GPR65: variants seen among roughly 807,000 people sequenced by gnomAD.
GPR65 encodes T-cell death-associated gene 8 protein.
GPR65 carries 2 observed loss-of-function variants against 0.7 expected under a neutral mutation model. That is an observed-to-expected ratio of 2.83 (90% CI 1.16 to 8.92). The LOEUF (loss-of-function observed/expected upper bound fraction) is 8.92, where lower values mean the gene tolerates loss of function less well. Among genes scored for constraint, GPR65 ranks in the 30% most tolerant of loss-of-function variants. GPR65 has a pLI of 0.04. For synonymous variants in GPR65, 128 were observed against 146.5 expected (o/e 0.87, Z 0.91); for missense variants, 379 against 399.4 (o/e 0.95, Z 0.43).
Position 88,011,680 on chromosome 14 carries a change from T to A in GPR65, c.833T>A (p.Leu278Ter). The A allele has an allele frequency of 6.2e-7, 1 of 1,613,822 alleles. No individual in the cohort carries two copies. The highest frequency in any genetic ancestry group is 8.5e-7 in the Non-Finnish European group (1 of 1,179,722). ...ACAATGTATAGAATCACGGTTGCATTAACAAGTTTAAATTGTGTTGCTGAT... is the reference window on the plus strand; with the variant it reads ...ACAATGTATAGAATCACGGTTGCATAAACAAGTTTAAATTGTGTTGCTGAT... ...TYTMYRITVA[L>*]TSLNCVADPI... The change falls in exon 2 of 2, where the codon TTA becomes TAA. Residue 278 changes from leucine (L) to a stop codon, truncating the protein, a stop_gained. Transcript: ENST00000267549. LOFTEE classifies it high-confidence loss of function.
chr14:88,011,226 A>G lies in GPR65; in HGVS notation c.379A>G (p.Thr127Ala). The G allele has an allele frequency of 6.2e-7, 1 of 1,613,870 alleles. No homozygotes were observed. Among genetic ancestry groups the G allele is most frequent in the Non-Finnish European group, 8.5e-7 (1 of 1,179,942 alleles). ...VYPLKFFFLR[T>A]RRFALMVSLS... ...CCCTTTGAAGTTTTTTTTCCTAAGG[A>G]CAAGAAGATTTGCACTCATGGTCAG... Residue 127 changes from threonine to alanine, a missense_variant, in exon 2 of 2, where the codon ACA becomes GCA. Thr to Ala is a moderately conservative substitution (Grantham distance 58). Transcript: ENST00000267549.
Position 88,011,336 on chromosome 14 carries a change from A to T in GPR65, c.489A>T (p.Glu163Asp). ...CAGTTGTTGAATATTGCGATGCCGA[A>T]AAGTCTAATTTTACTTTATGCTATG... ...DETVVEYCDAEKSNFTLCYDK... is the reference protein window; with the variant it reads ...DETVVEYCDADKSNFTLCYDK... Residue 163 changes from glutamate (E) to aspartate (D), a missense_variant, in exon 2 of 2, where the codon GAA becomes GAT. Glu to Asp is a conservative substitution (Grantham distance 45, BLOSUM62 2). Transcript: ENST00000267549. 6.2e-7 allele frequency: 1 copy of T among 1,614,110 alleles called. No individual in the cohort carries two copies. The highest frequency in any genetic ancestry group is 8.5e-7 in the Non-Finnish European group (1 of 1,179,998).
intron 1 of GPR65, among the ~76,000 whole-genome samples, chr14:88,008,820 A>AT (rs1466383028): frequency 6.6e-6 from 1 of 152,054 alleles, no homozygotes; most frequent in Non-Finnish European, 1.5e-5. Flanking sequence ...GTGGTATATC[A>AT]TTTTAATTTT....
In GPR65 at chr14:88,012,821, A is replaced by G. The variant is rs550661553; in HGVS notation, c.*960A>G. 2.6e-5 allele frequency: 4 copies of G among 152,322 alleles called. No individual in the cohort carries two copies. The East Asian group carries it at 5.8e-4, about 22-fold the overall frequency. 9.4% of individuals were successfully genotyped at this position (152,322 alleles called of 1,614,324 possible). ...CTGGGGCTATGAAAGAAATGGTCTC[A>G]TGAAGCCTCACGAAGTTTACATTAG... On this transcript the variant is annotated 3_prime_UTR_variant, in exon 2 of 2. Transcript: ENST00000267549.
Position 88,010,860 on chromosome 14 carries a change from T to C in GPR65, c.13T>C (p.Cys5Arg), listed in dbSNP as rs762974956. ...TAAAAAGGAAAAAATGAACAGCACA[T>C]GTATTGAAGAACAGCATGACCTGGA... MNST[C>R]IEEQHDLDHY... The change falls in exon 2 of 2, where the codon TGT becomes CGT. Residue 5 changes from cysteine to arginine, a missense_variant. Coordinates refer to ENST00000267549, the MANE Select transcript of GPR65 (RefSeq NM_003608.4). 11 of 1,610,632 alleles carry C rather than the reference T, an allele frequency of 6.8e-6. No individual in the cohort carries two copies. The African/African-American group carries it at 1.1e-4, about 16-fold the overall frequency.
rs745864186 is a variant in GPR65, at chr14:88,011,807, A to C, written c.960A>C (p.Lys320Asn). ...GTAATACATCACAAAGACAAAGAAA[A>C]CGCATACTTTCTGTGTCTACAAAAG... ...GRCNTSQRQR[K>N]RILSVSTKDT... Residue 320 changes from lysine (K) to asparagine (N), a missense_variant, in exon 2 of 2, where the codon AAA (lysine) becomes AAC (asparagine). Physicochemically the swap from Lys to Asn is moderately conservative, Grantham distance 94. Transcript: ENST00000267549. The C allele has an allele frequency of 6.2e-7, 1 of 1,600,084 alleles. No individual in the cohort carries two copies. The highest frequency in any genetic ancestry group is 1.1e-5 in the South Asian group (1 of 89,766).
rs772662213 is a variant in GPR65, at chr14:88,011,413, G to T, written c.566G>T (p.Cys189Phe). 1.9e-6 allele frequency: 3 copies of T among 1,613,966 alleles called. No individual in the cohort carries two copies. The highest frequency in any genetic ancestry group is 2.5e-6 in the Non-Finnish European group (3 of 1,179,886). The change falls in exon 2 of 2, where the codon TGT becomes TTT. Residue 189 changes from cysteine (C) to phenylalanine (F), a missense_variant. By Grantham distance (205) the Cys-to-Phe change is radical. Coordinates refer to ENST00000267549, the MANE Select transcript of GPR65 (RefSeq NM_003608.4). ...ATCAACCTCAACTTGTTCAGGACGT[G>T]TACAGGCTATGCAATACCTTTGGTC... is the stretch of plus-strand genomic sequence containing the variant. ...WQINLNLFRT[C>F]TGYAIPLVTI... is the part of the protein sequence containing the mutation.
Position 88,010,387 on chromosome 14 carries a change from A to T in GPR65, c.-459-2A>T, listed in dbSNP as rs1177661488. ...ACAATTTTAATTCATCTTTCATTAC[A>T]GAAGGAAAGGAATTTTAAAAGGAAA... is the stretch of plus-strand genomic sequence containing the variant. On this transcript the variant is annotated splice_acceptor_variant, in intron 1 of 1. Transcript: ENST00000267549. LOFTEE classifies it low-confidence loss of function (5UTR_SPLICE). 6.4e-6 allele frequency: 1 copy of T among 155,746 alleles called. No homozygotes were observed. Among genetic ancestry groups the T allele is most frequent in the Admixed American group, 6.3e-5 (1 of 15,910 alleles). 9.6% of individuals were successfully genotyped at this position (155,746 alleles called of 1,614,324 possible).
At chr14:88,007,424 T>C (rs1299187233) in intron 1 of GPR65, among the ~76,000 whole-genome samples, 1 of 152,078 alleles carries the variant, frequency 6.6e-6, no homozygotes, top group Admixed American at 6.6e-5. Flanking sequence ...TATTTTCCCA[T>C]GTCCTTAACA....
At chr14:88,008,329 C>T (rs1326120939) in intron 1 of GPR65, among the ~76,000 whole-genome samples, 1 of 152,172 alleles carries the variant, frequency 6.6e-6, no homozygotes, top group Admixed American at 6.5e-5. Context: ...CAGTACTCAG[C>T]CTTTCCCCAG....
rs1887715272 is a variant in GPR65, at chr14:88,013,201, C to G, written c.*1340C>G. ...AGCTGGGATTACAGGCACCCACCAC[C>G]ATGCCCAGCTAATTTTTGTATTTTT... On this transcript the variant is annotated 3_prime_UTR_variant, in exon 2 of 2. Transcript: ENST00000267549. 6.6e-6 allele frequency: 1 copy of G among 152,086 alleles called. No individual in the cohort carries two copies. The highest frequency in any genetic ancestry group is 6.6e-5 in the Admixed American group (1 of 15,254). The allele number at this position is 152,086 out of a possible 1,614,324, so 9.4% of individuals were successfully genotyped here.
chr14:88,007,804 G>A (rs1208175319), intron 1 of GPR65, among the ~76,000 whole-genome samples: 1 of 151,014 alleles, frequency 6.6e-6, no homozygotes, highest in Non-Finnish European at 1.5e-5. Context: ...GTGTGTGTGT[G>A]TGTGTGTGTG....
Position 88,011,342 on chromosome 14 carries a change from T to G in GPR65, c.495T>G (p.Ser165=). 6.2e-7 allele frequency: 1 copy of G among 1,614,098 alleles called. No homozygotes were observed. ...TTGAATATTGCGATGCCGAAAAGTC[T>G]AATTTTACTTTATGCTATGACAAAT... The part of the protein sequence containing the change: ...TVVEYCDAEK[S]NFTLCYDKYP... The change falls in exon 2 of 2, where the codon TCT becomes TCG. Residue 165 remains serine (S), a synonymous_variant. Transcript: ENST00000267549.
Position 88,011,530 on chromosome 14 carries a change from T to C in GPR65, c.683T>C (p.Leu228Pro). ...NKEKKRIIKL[L>P]VSITVTFVLC... ...GAAAAGAAGAGAATCATAAAACTAC[T>C]TGTCAGCATCACAGTTACTTTTGTC... is the stretch of plus-strand genomic sequence containing the variant. Residue 228 changes from leucine (L) to proline (P), a missense_variant, in exon 2 of 2, where the codon CTT becomes CCT. Physicochemically the swap from Leu to Pro is moderately conservative, Grantham distance 98. Transcript: ENST00000267549. 1.9e-6 allele frequency: 3 copies of C among 1,613,854 alleles called. No individual in the cohort carries two copies. Among genetic ancestry groups the C allele is most frequent in the South Asian group, 1.1e-5 (1 of 91,082 alleles).
chr14:88,006,795 G>C (rs1282874725), intron 1 of GPR65, among the ~76,000 whole-genome samples: 1 of 152,088 alleles, frequency 6.6e-6, no homozygotes, highest in Non-Finnish European at 1.5e-5. Context: ...GTGTGCATCA[G>C]AGTCCCATCC....
chr14:88,011,698 T>G lies in GPR65; in HGVS notation c.851T>G (p.Val284Gly). 2 of 1,613,908 alleles carry G rather than the reference T, an allele frequency of 1.2e-6. No homozygotes were observed. The highest frequency in any genetic ancestry group is 1.7e-6 in the Non-Finnish European group (2 of 1,179,858). The change falls in exon 2 of 2, where the codon GTT becomes GGT. Residue 284 changes from valine to glycine, a missense_variant. Val to Gly is a moderately radical substitution (Grantham distance 109). Transcript: ENST00000267549. Reference protein sequence around the residue: ...ITVALTSLNCVADPILYCFVT... With the variant: ...ITVALTSLNCGADPILYCFVT... ...GTTGCATTAACAAGTTTAAATTGTG[T>G]TGCTGATCCAATTCTGTACTGTTTT...
intron 1 of GPR65, among the ~76,000 whole-genome samples, chr14:88,009,006 G>A (rs960761186): frequency 6.6e-6 from 1 of 152,086 alleles, no homozygotes; most frequent in Non-Finnish European, 1.5e-5. Flanking sequence ...GCAGAGGCAG[G>A]GAAATTGCCA....
chr14:88,011,265 A>T lies in GPR65; in HGVS notation c.418A>T (p.Ile140Leu), dbSNP rs771285188. 41 of 1,613,766 alleles carry T rather than the reference A, an allele frequency of 2.5e-5. No homozygotes were observed. The highest frequency in any genetic ancestry group is 3.4e-5 in the Non-Finnish European group (40 of 1,179,906). The stretch of plus-strand genomic sequence containing the variant: ...ACTCATGGTCAGCCTGTCCATCTGG[A>T]TATTGGAAACCATCTTCAATGCTGT... ...FALMVSLSIW[I>L]LETIFNAVML... The change falls in exon 2 of 2, where the codon ATA becomes TTA. Residue 140 changes from isoleucine (I) to leucine (L), a missense_variant. Physicochemically the swap from Ile to Leu is conservative, Grantham distance 5. Transcript: ENST00000267549.
Position 88,011,373 on chromosome 14 carries a change from T to G in GPR65, c.526T>G (p.Leu176Val). ...TACTTTATGCTATGACAAATACCCTTTAGAGAAATGGCAAATCAACCTCAA... is the reference window on the plus strand; with the variant it reads ...TACTTTATGCTATGACAAATACCCTGTAGAGAAATGGCAAATCAACCTCAA... ...NFTLCYDKYP[L>V]EKWQINLNLF... is the part of the protein sequence containing the mutation. Residue 176 changes from leucine (L) to valine (V), a missense_variant, in exon 2 of 2, where the codon TTA becomes GTA. Transcript: ENST00000267549. 1.2e-6 allele frequency: 2 copies of G among 1,614,078 alleles called. No homozygotes were observed. The highest frequency in any genetic ancestry group is 1.7e-6 in the Non-Finnish European group (2 of 1,179,976).
Sources: allele counts gnomAD v4.1 joint callset (sites outside exome capture counted in the v4.1 genomes callset), GRCh38; gene constraint gnomAD v4.1.1; transcripts MANE v1.5; gene names NCBI Gene and HGNC (gene_info 2026-07-23, HGNC 2026-07-21).